The following NAALADL2 variants were observed in gnomAD, a reference collection of about 807,000 sequenced individuals.
NAALADL2 encodes N-acetylated alpha-linked acidic dipeptidase like 2, also known as inactive N-acetylated-alpha-linked acidic dipeptidase-like protein 2.
A neutral mutation model predicts 87.2 loss-of-function variants in NAALADL2; 76 were observed. The ratio of observed to expected loss-of-function variants is 0.87; its 90% confidence interval spans 0.72 to 1.05. NAALADL2 has a LOEUF of 1.05. Among genes scored for constraint, NAALADL2 ranks in the 50% least tolerant of loss-of-function variants. The probability of loss-of-function intolerance (pLI) is 0.00; values close to 1 mark genes in which losing one functional copy is unlikely to be tolerated. For synonymous variants in NAALADL2, 354 were observed against 331.0 expected, an observed-to-expected ratio of 1.07 and a Z score of -0.75; for missense variants, 1,089 against 945.8, an observed-to-expected ratio of 1.15 and a Z score of -1.99.
At chr3:174,465,802 C>T (rs1370725637) in intron 1 of NAALADL2, among the ~76,000 whole-genome samples, 1 of 152,010 alleles carries the variant, frequency 6.6e-6, no homozygotes, top group Non-Finnish European at 1.5e-5. Flanking sequence ...TAAAGATATA[C>T]ACACTTTTTT....
chr3:175,306,569 T>G (rs1382278730), intron 4 of NAALADL2, among the ~76,000 whole-genome samples: 3 of 152,172 alleles, frequency 2.0e-5, no homozygotes, highest in African/African-American at 7.2e-5. Context: ...CCCAGCACTT[T>G]GGGAGGCTGA....
intron 11 of NAALADL2, among the ~76,000 whole-genome samples, chr3:175,719,031 T>C (rs191513755): frequency 6.6e-6 from 1 of 152,234 alleles, no homozygotes; most frequent in East Asian, 1.9e-4. Context: ...GCTTTTTTAG[T>C]TGCGATTGGG....
At chr3:175,712,596 G>A (rs1264527112) in intron 11 of NAALADL2, among the ~76,000 whole-genome samples, 2 of 151,972 alleles carry the variant, frequency 1.3e-5, no homozygotes, top group Admixed American at 1.3e-4. Context: ...AACCAAAGAC[G>A]GTGATTATTT....
intron 1 of NAALADL2, among the ~76,000 whole-genome samples, chr3:174,911,330 A>G (rs1444171481): frequency 6.6e-6 from 1 of 152,280 alleles, no homozygotes; most frequent in African/African-American, 2.4e-5. Flanking sequence ...GTAGAATTAA[A>G]TGTGGAAGAA....
intron 5 of NAALADL2, among the ~76,000 whole-genome samples, chr3:175,407,726 T>C (rs1026814023): frequency 4.6e-5 from 7 of 152,198 alleles, no homozygotes; most frequent in African/African-American, 1.7e-4. Context: ...TGCTATAGAT[T>C]ATATTTCTAA....
At chr3:175,432,560 C>T (rs1171083969) in intron 5 of NAALADL2, among the ~76,000 whole-genome samples, 1 of 151,998 alleles carries the variant, frequency 6.6e-6, no homozygotes, top group Non-Finnish European at 1.5e-5. Context: ...CTTGCCATTC[C>T]CTTTTCACAG....
At chr3:175,446,102 GT>G (rs1407322464) in intron 5 of NAALADL2, among the ~76,000 whole-genome samples, 2 of 152,124 alleles carry the variant, frequency 1.3e-5, no homozygotes, top group Non-Finnish European at 2.9e-5. Context: ...TAATAGACCT[GT>G]TTTTGGTATT....
At chr3:174,548,673 G>T (rs1174062655) in intron 1 of NAALADL2, among the ~76,000 whole-genome samples, 2 of 152,030 alleles carry the variant, frequency 1.3e-5, no homozygotes, top group South Asian at 4.1e-4. Context: ...GAATTGCTCT[G>T]TTTACTGCAC....
At chr3:175,729,051 G>A (rs978127942) in intron 11 of NAALADL2, among the ~76,000 whole-genome samples, 1 of 152,090 alleles carries the variant, frequency 6.6e-6, no homozygotes, top group Non-Finnish European at 1.5e-5. Context: ...TGTGTATGGT[G>A]TCGTTATGTG....
At chr3:174,608,632 A>G (rs1199243330) in intron 2 of NAALADL2, among the ~76,000 whole-genome samples, 1 of 152,176 alleles carries the variant, frequency 6.6e-6, no homozygotes, top group Non-Finnish European at 1.5e-5. Flanking sequence ...GAATCCCTGA[A>G]TAGACCAATA....
chr3:174,942,404 A>G (rs564277692), intron 1 of NAALADL2, among the ~76,000 whole-genome samples: 1 of 152,130 alleles, frequency 6.6e-6, no homozygotes, highest in Non-Finnish European at 1.5e-5. Context: ...GAGGTCCACT[A>G]TTAGCCTTAT....
chr3:175,542,447 G>A (rs966324238), intron 9 of NAALADL2, among the ~76,000 whole-genome samples: 1 of 152,232 alleles, frequency 6.6e-6, no homozygotes, highest in Admixed American at 6.5e-5. Flanking sequence ...AAGTCCTGCA[G>A]TTGGCCCTGT....
chr3:174,452,278 C>T (rs1194500471), intron 1 of NAALADL2, among the ~76,000 whole-genome samples: 1 of 152,156 alleles, frequency 6.6e-6, no homozygotes, highest in Non-Finnish European at 1.5e-5. Context: ...CTCATCTCTT[C>T]CTTGACCCAC....
At chr3:175,103,253 C>T (rs1259863194) in intron 2 of NAALADL2, among the ~76,000 whole-genome samples, 9 of 151,994 alleles carry the variant, frequency 5.9e-5, no homozygotes, top group Admixed American at 3.9e-4. Flanking sequence ...TCCTAAGTCT[C>T]GTTTGTTTTC....
At chr3:175,229,526 A>G (rs1253926961) in intron 2 of NAALADL2, among the ~76,000 whole-genome samples, 1 of 152,158 alleles carries the variant, frequency 6.6e-6, no homozygotes. Flanking sequence ...TTTATTTCTT[A>G]TAATTCTGGA....
At chr3:174,570,082 G>A (rs1317840888) in intron 2 of NAALADL2, among the ~76,000 whole-genome samples, 2 of 152,054 alleles carry the variant, frequency 1.3e-5, no homozygotes, top group African/African-American at 2.4e-5. Flanking sequence ...ATGCAACAAT[G>A]ATTTTAGGAT....
At chr3:174,807,464 T>A (rs2109278047) in intron 3 of NAALADL2, among the ~76,000 whole-genome samples, 1 of 152,262 alleles carries the variant, frequency 6.6e-6, no homozygotes, top group Admixed American at 6.5e-5. Flanking sequence ...ATGCAAATTT[T>A]AATTTCTGTT....
intron 9 of NAALADL2, among the ~76,000 whole-genome samples, chr3:175,563,100 G>A (rs1716540958): frequency 6.6e-6 from 1 of 151,686 alleles, no homozygotes; most frequent in South Asian, 2.1e-4. Context: ...ATTCTCTTTA[G>A]TCTTCTAATA....
chr3:175,183,243 C>T (rs984348128), intron 2 of NAALADL2, among the ~76,000 whole-genome samples: 6 of 80,744 alleles, frequency 7.4e-5, no homozygotes, highest in African/African-American at 2.1e-4. Flanking sequence ...TAGATTTATT[C>T]CTAAGTATTT....
Sources: gnomAD v4.1 joint callset for allele counts (sites outside exome capture counted in the v4.1 genomes callset) on GRCh38, gnomAD v4.1.1 for gene constraint, MANE v1.5 for transcripts, NCBI Gene and HGNC (gene_info 2026-07-23, HGNC 2026-07-21) for gene names.